The following ARK2C variants were observed in gnomAD, a reference collection of about 807,000 sequenced individuals.
ARK2C encodes the protein E3 ubiquitin-protein ligase ARK2C.
the ARK2C span, among the ~76,000 whole-genome samples, chr18:46,371,018 C>T: frequency 6.6e-6 from 1 of 152,174 alleles, no homozygotes; most frequent in Non-Finnish European, 1.5e-5. Flanking sequence ...CACAGTTCCA[C>T]ATGGCTAGGG....
the ARK2C span, among the ~76,000 whole-genome samples, chr18:46,454,328 A>G: frequency 6.6e-6 from 1 of 152,056 alleles, no homozygotes; most frequent in African/African-American, 2.4e-5. Flanking sequence ...TTTTTCTAGC[A>G]GGGTCAGCTA....
At chr18:46,407,595 T>C in the ARK2C span, among the ~76,000 whole-genome samples, 2 of 152,182 alleles carry the variant, frequency 1.3e-5, no homozygotes, top group Non-Finnish European at 2.9e-5. Context: ...AGTTGGAGGC[T>C]AATCCCTTCT....
At chr18:46,429,586 G>A in the ARK2C span, among the ~76,000 whole-genome samples, 1 of 152,056 alleles carries the variant, frequency 6.6e-6, no homozygotes, top group South Asian at 2.1e-4. Flanking sequence ...GATGTTTACT[G>A]TTGAGCCAAG....
the ARK2C span, chr18:46,386,091 C>G: frequency 6.6e-6 from 1 of 152,156 alleles, no homozygotes; most frequent in African/African-American, 2.4e-5. Context: ...TTTGTGAGGC[C>G]TTAGAAGCAA....
At chr18:46,362,141 C>T in the ARK2C span, among the ~76,000 whole-genome samples, 1 of 152,210 alleles carries the variant, frequency 6.6e-6, no homozygotes, top group East Asian at 1.9e-4. Context: ...GGGGCAGGCC[C>T]AAGGTGACAA....
the ARK2C span, among the ~76,000 whole-genome samples, chr18:46,394,308 C>T: frequency 5.2e-3 from 791 of 152,330 alleles, 6 homozygotes; most frequent in African/African-American, 0.018. Context: ...CGTCCCAGCT[C>T]ACTGGTCATA....
At chr18:46,463,107 T>C in the ARK2C span, 1 of 152,258 alleles carries the variant, frequency 6.6e-6, no homozygotes, top group African/African-American at 2.4e-5. Flanking sequence ...ACTTTATTTA[T>C]AACTAATAAA....
the ARK2C span, among the ~76,000 whole-genome samples, chr18:46,370,631 G>A: frequency 6.6e-6 from 1 of 152,224 alleles, no homozygotes; most frequent in East Asian, 1.9e-4. Context: ...CGTACCAGGT[G>A]TGGGTGAGGC....
chr18:46,432,696 G>A, the ARK2C span, among the ~76,000 whole-genome samples: 54 of 152,354 alleles, frequency 3.5e-4, no homozygotes, highest in African/African-American at 1.3e-3. Flanking sequence ...GGTGGCTCAC[G>A]CCTGTAATCC....
chr18:46,447,944 C>A, the ARK2C span, among the ~76,000 whole-genome samples: 20 of 145,314 alleles, frequency 1.4e-4, no homozygotes, highest in Non-Finnish European at 1.2e-4. Flanking sequence ...AGCTTCTATT[C>A]TCTGTTATCA....
the ARK2C span, among the ~76,000 whole-genome samples, chr18:46,444,346 C>T: frequency 4.6e-5 from 7 of 152,006 alleles, no homozygotes; most frequent in East Asian, 1.2e-3. Flanking sequence ...AATATTTTTT[C>T]TGTCATCTAC....
chr18:46,399,733 G>A, the ARK2C span, among the ~76,000 whole-genome samples: 1 of 152,290 alleles, frequency 6.6e-6, no homozygotes, highest in South Asian at 2.1e-4. Flanking sequence ...GGCAGAGGAG[G>A]ACAGTGTCCG....
chr18:46,337,424 T>C, the ARK2C span: 55 of 985,288 alleles, frequency 5.6e-5, no homozygotes, highest in Non-Finnish European at 6.3e-5. Flanking sequence ...CATCCCCCAG[T>C]TGACAATGTA....
the ARK2C span, among the ~76,000 whole-genome samples, chr18:46,342,847 A>C: frequency 6.6e-6 from 1 of 152,240 alleles, no homozygotes; most frequent in Non-Finnish European, 1.5e-5. Context: ...TCCCTCTGTG[A>C]TCATGTGAGT....
the ARK2C span, among the ~76,000 whole-genome samples, chr18:46,355,008 G>A: frequency 6.6e-6 from 1 of 152,140 alleles, no homozygotes; most frequent in African/African-American, 2.4e-5. Flanking sequence ...GGAGTGCAGT[G>A]GTACAATCTC....
the ARK2C span, among the ~76,000 whole-genome samples, chr18:46,381,265 G>A: frequency 6.6e-6 from 1 of 152,210 alleles, no homozygotes; most frequent in Admixed American, 6.5e-5. Flanking sequence ...TGTCCCCTCC[G>A]TGGTCTCTGA....
At chr18:46,385,350 G>C in the ARK2C span, among the ~76,000 whole-genome samples, 2 of 152,164 alleles carry the variant, frequency 1.3e-5, no homozygotes, top group African/African-American at 4.8e-5. Context: ...AGATTGTTTT[G>C]TCTGGAAGGA....
At chr18:46,337,495 T>C in the ARK2C span, 2 of 985,366 alleles carry the variant, frequency 2.0e-6, no homozygotes, top group Non-Finnish European at 2.4e-6. Context: ...GCCCGGGCCA[T>C]CTGCTCATTG....
At chr18:46,408,356 C>T in the ARK2C span, among the ~76,000 whole-genome samples, 1 of 152,220 alleles carries the variant, frequency 6.6e-6, no homozygotes, top group Non-Finnish European at 1.5e-5. Flanking sequence ...TCCCTTCTAC[C>T]CAGAGCCAGA....
Sources: gnomAD v4.1 joint callset for allele counts (sites outside exome capture counted in the v4.1 genomes callset) on GRCh38, gnomAD v4.1.1 for gene constraint, MANE v1.5 for transcripts, NCBI Gene and HGNC (gene_info 2026-07-23, HGNC 2026-07-21) for gene names.